The following SPMAP2 variants were observed in gnomAD, a reference collection of about 807,000 sequenced individuals.
SPMAP2 encodes Theg homolog.
At chr19:362,009 T>C in the SPMAP2 span, 179 of 431,530 alleles carry the variant, frequency 4.1e-4, 1 homozygote, top group Non-Finnish European at 2.9e-5. Context: ...GCGCTCGAGA[T>C]GGTCAATGAA....
the SPMAP2 span, among the ~76,000 whole-genome samples, chr19:364,872 T>C: frequency 1.3e-5 from 2 of 152,164 alleles, no homozygotes; most frequent in African/African-American, 4.8e-5. Context: ...GGGGCTGTCC[T>C]CTACCTTGTC....
the SPMAP2 span, chr19:374,210 C>T: frequency 9.9e-5 from 155 of 1,568,262 alleles, no homozygotes; most frequent in East Asian, 1.1e-3. Context: ...GGAGGGGAGC[C>T]GAGCAGTGGG....
At chr19:372,601 T>C in the SPMAP2 span, 1 of 1,610,398 alleles carries the variant, frequency 6.2e-7, no homozygotes, top group Non-Finnish European at 8.5e-7. Context: ...CTCTGCCTTC[T>C]GAGTAGCCAC....
chr19:364,366 A>G, the SPMAP2 span, among the ~76,000 whole-genome samples: 1 of 151,490 alleles, frequency 6.6e-6, no homozygotes, highest in East Asian at 1.9e-4. Context: ...AGAAAGAAAA[A>G]AAAAGAAAAA....
the SPMAP2 span, among the ~76,000 whole-genome samples, chr19:370,746 C>T: frequency 2.9e-4 from 44 of 152,276 alleles, no homozygotes; most frequent in African/African-American, 9.9e-4. Flanking sequence ...ATTGAACCGG[C>T]GACGACAAGG....
chr19:367,008 G>T, the SPMAP2 span: 1 of 1,576,524 alleles, frequency 6.3e-7, no homozygotes, highest in Non-Finnish European at 8.6e-7. Context: ...GGTATAAGGT[G>T]TCCCTTGGGA....
the SPMAP2 span, chr19:375,878 G>A: frequency 4.5e-6 from 7 of 1,568,792 alleles, no homozygotes; most frequent in East Asian, 2.3e-5. Context: ...AGCTCTGGAG[G>A]CCACGGGGGT....
the SPMAP2 span, among the ~76,000 whole-genome samples, chr19:364,102 G>C: frequency 6.6e-6 from 1 of 151,460 alleles, no homozygotes; most frequent in Middle Eastern, 3.4e-3. Context: ...GGGAGGCCGA[G>C]GCGGGCGGAT....
At chr19:370,497 A>G in the SPMAP2 span, among the ~76,000 whole-genome samples, 137 of 124,940 alleles carry the variant, frequency 1.1e-3, 2 homozygotes, top group East Asian at 0.025. Context: ...GCCCGCCACC[A>G]CCCCCGGCTA....
chr19:368,107 T>TG, the SPMAP2 span, among the ~76,000 whole-genome samples: 3 of 151,970 alleles, frequency 2.0e-5, no homozygotes, highest in Admixed American at 6.6e-5. The surrounding 1 kb of genome is among the most constrained non-coding windows in gnomAD (Gnocchi z 4.1). Flanking sequence ...GGCAGCCCTT[T>TG]GGGGGGTCGA....
the SPMAP2 span, among the ~76,000 whole-genome samples, chr19:363,546 CATTTTGAGACAG>C: frequency 6.9e-6 from 1 of 144,832 alleles, no homozygotes; most frequent in Non-Finnish European, 1.5e-5. Context: ...TATTTTATTT[CATTTTGAGACAG>C]AGTCTTGCTC....
At chr19:372,505 G>A in the SPMAP2 span, 527 of 937,554 alleles carry the variant, frequency 5.6e-4, 1 homozygote, top group Middle Eastern at 3.2e-3. Context: ...GGCCAGCCCC[G>A]TCTGAACACC....
the SPMAP2 span, chr19:373,374 G>T: frequency 8.3e-7 from 1 of 1,197,680 alleles, no homozygotes. Flanking sequence ...AGGAGATGGG[G>T]CAAGGGAGGC....
At chr19:366,957 C>T in the SPMAP2 span, 1 of 1,276,276 alleles carries the variant, frequency 7.8e-7, no homozygotes, top group Non-Finnish European at 1.1e-6. Flanking sequence ...TTCTGCTTCT[C>T]TTTCATGGGG....
At chr19:371,368 G>GT in the SPMAP2 span, 14 of 842,438 alleles carry the variant, frequency 1.7e-5, no homozygotes, top group African/African-American at 1.7e-4. Context: ...CCGGGGGTGG[G>GT]GGTGTGTGTG....
the SPMAP2 span, chr19:372,615 G>C: frequency 6.2e-7 from 1 of 1,613,338 alleles, no homozygotes; most frequent in Non-Finnish European, 8.5e-7. Context: ...TAGCCACCCA[G>C]CCCTCCTTCC....
the SPMAP2 span, among the ~76,000 whole-genome samples, chr19:364,211 C>CGT: frequency 2.7e-5 from 4 of 150,606 alleles, no homozygotes; most frequent in Non-Finnish European, 5.9e-5. Flanking sequence ...GTGGCGGCTG[C>CGT]CTGTAGTCCC....
chr19:364,628 CT>C, the SPMAP2 span, among the ~76,000 whole-genome samples: 2 of 152,166 alleles, frequency 1.3e-5, no homozygotes, highest in African/African-American at 4.8e-5. Flanking sequence ...GTTCACCCCC[CT>C]CTCCACCTGC....
chr19:372,704 T>C, the SPMAP2 span: 1 of 1,614,006 alleles, frequency 6.2e-7, no homozygotes, highest in Non-Finnish European at 8.5e-7. Flanking sequence ...GACACCGCTA[T>C]GCAAAATGGG....
Sources: gnomAD v4.1 joint callset for allele counts (sites outside exome capture counted in the v4.1 genomes callset) on GRCh38, gnomAD v4.1.1 for gene constraint, Gnocchi (gnomAD v3.1) non-coding constraint, MANE v1.5 for transcripts, NCBI Gene and HGNC (gene_info 2026-07-23, HGNC 2026-07-21) for gene names.